Variants in RASEF observed in about 807,000 individuals in gnomAD.
RASEF encodes the protein ras and EF-hand domain-containing protein.
In RASEF, 68 loss-of-function variants were observed where a neutral mutation model predicts 90.1. The ratio of observed to expected loss-of-function variants is 0.75; its 90% CI spans 0.62 to 0.92. The LOEUF (loss-of-function observed/expected upper bound fraction) is 0.92. RASEF is among the 40% of genes least tolerant of loss of function. The pLI is 0.00. For synonymous variants in RASEF, 331 were observed against 345.2 expected (o/e 0.96, Z 0.46); for missense variants, 949 against 937.2 (o/e 1.01, Z -0.16).
rs1032910641 is a variant in RASEF, at chr9:82,979,883, A to T, written c.*2794T>A. ...CACTGAAGCCGATCACTGTACAAAT[A>T]TGAAAATAAATCTTTATCTTTAACC... On this transcript the variant is annotated 3_prime_UTR_variant, in exon 17 of 17. Transcript: ENST00000376447. 1 of 152,216 alleles carries T rather than the reference A, an allele frequency of 6.6e-6. No individual in the cohort carries two copies. The highest frequency in any genetic ancestry group is 2.4e-5 in the African/African-American group (1 of 41,462). 9.4% of individuals were successfully genotyped at this position (152,216 alleles called of 1,614,324 possible).
chr9:83,062,431 T>G lies in RASEF; in HGVS notation c.431+6A>C, dbSNP rs990501703. ...ATAACCTCCCGCCCCCAGCTCACAC[T>G]CGCACCTGGGAATGAACTTGGCTTC... On this transcript the variant is annotated splice_donor_region_variant and intron_variant, in intron 1 of 16. Coordinates refer to ENST00000376447, the MANE Select transcript of RASEF (RefSeq NM_152573.4). 1.9e-6 allele frequency: 3 copies of G among 1,612,232 alleles called. No homozygotes were observed. The African/African-American group carries it at 4.0e-5, about 22-fold the overall frequency.
the RASEF span, among the ~76,000 whole-genome samples, chr9:83,141,511 A>T: frequency 1.3e-5 from 2 of 152,200 alleles, no homozygotes; most frequent in African/African-American, 4.8e-5. Flanking sequence ...CCCTTCCCGA[A>T]AACAGCTGTA....
the RASEF span, among the ~76,000 whole-genome samples, chr9:83,098,710 A>C: frequency 6.6e-6 from 1 of 152,214 alleles, no homozygotes; most frequent in Admixed American, 6.5e-5. Context: ...GGAGGAGCAA[A>C]GTCACATCTT....
At chr9:83,000,659 G>C in intron 10 of RASEF, 89 bp from the exon 11 acceptor site, 2 of 1,232,120 alleles carry the variant, frequency 1.6e-6, no homozygotes, top group Non-Finnish European at 2.2e-6. Context: ...GGATTAAAAA[G>C]AAGAAAACTA....
the RASEF span, among the ~76,000 whole-genome samples, chr9:83,169,582 G>A: frequency 2.0e-5 from 3 of 148,988 alleles, no homozygotes; most frequent in East Asian, 3.9e-4. Context: ...TGTTTGTTTT[G>A]TTTGTTTGTT....
chr9:83,148,238 A>G, the RASEF span, among the ~76,000 whole-genome samples: 4,328 of 152,198 alleles, frequency 0.028, 218 homozygotes, highest in African/African-American at 0.099. Flanking sequence ...GTCTAATCAG[A>G]TATTAAAATA....
intron 2 of RASEF, among the ~76,000 whole-genome samples, chr9:83,023,746 C>T (rs1829485353): frequency 6.6e-6 from 1 of 152,060 alleles, no homozygotes; most frequent in Admixed American, 6.6e-5. Flanking sequence ...GTTTTTTGGT[C>T]AACTCTGGGA....
chr9:83,030,999 G>A (rs148493840), intron 1 of RASEF, among the ~76,000 whole-genome samples: 4 of 152,042 alleles, frequency 2.6e-5, no homozygotes, highest in African/African-American at 9.6e-5. Context: ...GCTAAGCCTC[G>A]TGATAGAATG....
intron 4 of RASEF, among the ~76,000 whole-genome samples, chr9:83,014,232 TG>T (rs1309163278): frequency 2.6e-5 from 4 of 152,246 alleles, no homozygotes; most frequent in African/African-American, 9.6e-5. Flanking sequence ...AGGAGGCTAC[TG>T]GGGAGAATTC....
chr9:83,120,363 T>C, the RASEF span, among the ~76,000 whole-genome samples: 2 of 152,158 alleles, frequency 1.3e-5, no homozygotes, highest in Admixed American at 1.3e-4. Flanking sequence ...CCAAGAAATA[T>C]AGTCAGTTGC....
At chr9:83,102,631 G>T in the RASEF span, among the ~76,000 whole-genome samples, 1 of 152,134 alleles carries the variant, frequency 6.6e-6, no homozygotes, top group Non-Finnish European at 1.5e-5. Flanking sequence ...GAGACAGAGG[G>T]AACGAGGGAA....
At chr9:83,077,915 T>C in the RASEF span, among the ~76,000 whole-genome samples, 2 of 152,134 alleles carry the variant, frequency 1.3e-5, no homozygotes, top group Non-Finnish European at 2.9e-5. Flanking sequence ...CTAAGTCCAC[T>C]CCAGAATTTG....
chr9:83,143,107 T>G, the RASEF span, among the ~76,000 whole-genome samples: 8 of 152,206 alleles, frequency 5.3e-5, no homozygotes, highest in African/African-American at 1.9e-4. Context: ...TGATCTGTCC[T>G]TGAAGGATTC....
chr9:83,093,783 C>T, the RASEF span, among the ~76,000 whole-genome samples: 2 of 152,246 alleles, frequency 1.3e-5, no homozygotes, highest in African/African-American at 4.8e-5. Context: ...AAGGGCTCCT[C>T]AAGTGCCGCC....
intron 1 of RASEF, among the ~76,000 whole-genome samples, chr9:83,037,321 AAT>A (rs1463314877): frequency 6.6e-6 from 1 of 152,146 alleles, no homozygotes; most frequent in Non-Finnish European, 1.5e-5. Context: ...CAAAAAAAAA[AAT>A]AAACAGTTGC....
chr9:83,193,494 A>G, the RASEF span, among the ~76,000 whole-genome samples: 1 of 152,230 alleles, frequency 6.6e-6, no homozygotes, highest in African/African-American at 2.4e-5. Context: ...TTTAGAGAGA[A>G]AATCCATTAC....
At chr9:83,125,440 A>G in the RASEF span, among the ~76,000 whole-genome samples, 1 of 152,222 alleles carries the variant, frequency 6.6e-6, no homozygotes, top group African/African-American at 2.4e-5. Context: ...GCCATTCGGA[A>G]TATGGCAATT....
the RASEF span, among the ~76,000 whole-genome samples, chr9:83,157,905 G>A: frequency 1.3e-5 from 2 of 152,166 alleles, no homozygotes; most frequent in African/African-American, 4.8e-5. Context: ...ATGCAAATCT[G>A]CTGAAGAAAT....
chr9:83,156,727 T>C, the RASEF span, among the ~76,000 whole-genome samples: 1 of 152,206 alleles, frequency 6.6e-6, no homozygotes, highest in South Asian at 2.1e-4. Flanking sequence ...GTTGTGCCTA[T>C]GGTCTCAGCA....
Sources: gnomAD v4.1 joint callset for allele counts (sites outside exome capture counted in the v4.1 genomes callset) on GRCh38, gnomAD v4.1.1 for gene constraint, MANE v1.5 for transcripts, NCBI Gene and HGNC (gene_info 2026-07-23, HGNC 2026-07-21) for gene names.